Variants in KCTD8 observed in about 807,000 individuals in gnomAD.
The protein encoded by KCTD8 is potassium channel tetramerization domain containing 8, also known as BTB/POZ domain-containing protein KCTD8.
KCTD8 carries 27 observed loss-of-function variants against 31.5 expected under a neutral mutation model. The ratio of observed to expected loss-of-function variants is 0.86; its 90% CI spans 0.63 to 1.18. The LOEUF is 1.18. Among genes scored for constraint, KCTD8 ranks in the 50% most tolerant of loss-of-function variants. KCTD8 has a pLI of 0.00. For synonymous variants in KCTD8, 290 were observed against 280.0 expected, an observed-to-expected ratio of 1.04 and a Z score of -0.36; for missense variants, 658 against 647.7, an observed-to-expected ratio of 1.02 and a Z score of -0.17.
At chr4:44,339,237 T>C (rs1233362328) in intron 1 of KCTD8, among the ~76,000 whole-genome samples, 1 of 152,178 alleles carries the variant, frequency 6.6e-6, no homozygotes, top group African/African-American at 2.4e-5. Context: ...GTGTTGGATA[T>C]GCAGCAGAAG....
chr4:44,193,570 A>T (rs578032146), intron 1 of KCTD8, among the ~76,000 whole-genome samples: 3 of 152,166 alleles, frequency 2.0e-5, no homozygotes, highest in Non-Finnish European at 4.4e-5. Flanking sequence ...GTGCTTAACT[A>T]TACTTGAGTA....
At chr4:44,256,076 G>C (rs1256651744) in intron 1 of KCTD8, among the ~76,000 whole-genome samples, 1 of 151,808 alleles carries the variant, frequency 6.6e-6, no homozygotes, top group African/African-American at 2.4e-5. Context: ...GCAGGCAAGA[G>C]AGCATGTGGA....
At chr4:44,192,171 T>G (rs1229092702) in intron 1 of KCTD8, among the ~76,000 whole-genome samples, 1 of 152,228 alleles carries the variant, frequency 6.6e-6, no homozygotes, top group Non-Finnish European at 1.5e-5. Flanking sequence ...AAATTTTTAA[T>G]GCACATTTCT....
At chr4:44,413,863 A>G (rs1424821792) in intron 1 of KCTD8, among the ~76,000 whole-genome samples, 1 of 152,142 alleles carries the variant, frequency 6.6e-6, no homozygotes, top group African/African-American at 2.4e-5. Context: ...AGTCTTTATA[A>G]ACAAAAGAGA....
chr4:44,280,824 C>G (rs1716885980), intron 1 of KCTD8, among the ~76,000 whole-genome samples: 1 of 152,002 alleles, frequency 6.6e-6, no homozygotes, highest in South Asian at 2.1e-4. Flanking sequence ...GGTTTCTATG[C>G]TTTATGTGTA....
chr4:44,373,096 G>C (rs888056869), intron 1 of KCTD8, among the ~76,000 whole-genome samples: 14 of 152,152 alleles, frequency 9.2e-5, no homozygotes, highest in African/African-American at 3.4e-4. Flanking sequence ...CGGGCGCAGT[G>C]GCTCACACCT....
chr4:44,351,458 T>A (rs1464343715), intron 1 of KCTD8, among the ~76,000 whole-genome samples: 24 of 151,802 alleles, frequency 1.6e-4, no homozygotes, highest in Non-Finnish European at 1.0e-4. Flanking sequence ...ATTTTGGCCG[T>A]TTCTTCAGAA....
intron 1 of KCTD8, among the ~76,000 whole-genome samples, chr4:44,294,139 G>A (rs1445345613): frequency 6.6e-6 from 1 of 152,082 alleles, no homozygotes. Context: ...GAAATGATTT[G>A]ACACATGCAC....
intron 1 of KCTD8, among the ~76,000 whole-genome samples, chr4:44,202,075 A>G (rs1714166314): frequency 6.6e-6 from 1 of 152,214 alleles, no homozygotes; most frequent in African/African-American, 2.4e-5. Flanking sequence ...CAAGTCAATC[A>G]AAACCACAAT....
intron 1 of KCTD8, among the ~76,000 whole-genome samples, chr4:44,187,035 G>A (rs745627261): frequency 6.6e-6 from 1 of 152,148 alleles, no homozygotes. Context: ...AAGAAATGGG[G>A]GGAGTCGAAG....
chr4:44,189,654 C>T (rs1254409969), intron 1 of KCTD8, among the ~76,000 whole-genome samples: 2 of 152,070 alleles, frequency 1.3e-5, no homozygotes, highest in Admixed American at 1.3e-4. Flanking sequence ...TACATGCACA[C>T]ACACACACAA....
intron 1 of KCTD8, among the ~76,000 whole-genome samples, chr4:44,421,832 G>A (rs747850796): frequency 3.9e-4 from 59 of 152,136 alleles, no homozygotes; most frequent in Admixed American, 8.5e-4. Flanking sequence ...TTGGGAGTAA[G>A]CCCAGAATTT....
At chr4:44,260,151 AAC>A (rs1374042584) in intron 1 of KCTD8, among the ~76,000 whole-genome samples, 2 of 151,952 alleles carry the variant, frequency 1.3e-5, no homozygotes, top group Non-Finnish European at 1.5e-5. Context: ...ATGAAAAAAA[AAC>A]AATTATTAAA....
chr4:44,418,623 T>C (rs1721136229), intron 1 of KCTD8, among the ~76,000 whole-genome samples: 1 of 152,200 alleles, frequency 6.6e-6, no homozygotes, highest in Non-Finnish European at 1.5e-5. Context: ...TAAAAAATCT[T>C]GCTGAGCAAA....
intron 1 of KCTD8, among the ~76,000 whole-genome samples, chr4:44,343,852 T>C (rs1560431387): frequency 6.6e-6 from 1 of 151,848 alleles, no homozygotes. Context: ...TTTGTTGTTG[T>C]TGTTTGTTTG....
At chr4:44,370,835 T>C (rs1719764209) in intron 1 of KCTD8, among the ~76,000 whole-genome samples, 1 of 152,192 alleles carries the variant, frequency 6.6e-6, no homozygotes, top group Non-Finnish European at 1.5e-5. Flanking sequence ...TAGAAATGAA[T>C]GCTGAGTTAG....
chr4:44,216,534 G>A (rs1182531566), intron 1 of KCTD8, among the ~76,000 whole-genome samples: 1 of 152,136 alleles, frequency 6.6e-6, no homozygotes, highest in East Asian at 1.9e-4. Context: ...TGAATAGGAA[G>A]TAGGATATAG....
chr4:44,407,140 A>G (rs1328910715), intron 1 of KCTD8, among the ~76,000 whole-genome samples: 1 of 152,086 alleles, frequency 6.6e-6, no homozygotes, highest in Non-Finnish European at 1.5e-5. Context: ...TTTCAATTCA[A>G]TATTATCATG....
At chr4:44,363,922 C>T (rs962866081) in intron 1 of KCTD8, among the ~76,000 whole-genome samples, 4 of 151,894 alleles carry the variant, frequency 2.6e-5, no homozygotes, top group Non-Finnish European at 5.9e-5. Flanking sequence ...AGATCTTATA[C>T]CTTTAACCAA....
Sources: gnomAD v4.1 joint callset for allele counts (sites outside exome capture counted in the v4.1 genomes callset) on GRCh38, gnomAD v4.1.1 for gene constraint, MANE v1.5 for transcripts, NCBI Gene and HGNC (gene_info 2026-07-23, HGNC 2026-07-21) for gene names.